The following ARMC9 variants were observed in gnomAD, a reference collection of about 807,000 sequenced individuals.
The protein encoded by ARMC9 is armadillo repeat containing 9.
ARMC9 carries 94 observed loss-of-function variants against 107.0 expected under a neutral mutation model. That is an observed-to-expected ratio of 0.88 (90% CI 0.74 to 1.04). The LOEUF (loss-of-function observed/expected upper bound fraction) is 1.04, where lower values mean the gene tolerates loss of function less well. ARMC9 is among the 50% of genes least tolerant of loss of function. The pLI is 0.00. For synonymous variants in ARMC9, 380 were observed against 396.9 expected (o/e 0.96, Z 0.51); for missense variants, 942 against 1,030.1 (o/e 0.91, Z 1.17).
rs374113705 is a variant in ARMC9, at chr2:231,235,264, A to C, written c.663A>C (p.Glu221Asp). ...TCCACCAGCAGCTGGTTGAAGCTGA[A>C]CGTAGGTCAGTGACATACCTCAAAC... is the stretch of plus-strand genomic sequence containing the variant. ...QQLHQQLVEA[E>D]RRSVTYLKRY... Residue 221 changes from glutamate to aspartate, a missense_variant, in exon 8 of 25, where the codon GAA becomes GAC. Glu to Asp is a conservative substitution (Grantham distance 45). Coordinates refer to ENST00000611582, the MANE Select transcript of ARMC9 (RefSeq NM_001352754.2). 3 of 1,614,072 alleles carry C rather than the reference A, an allele frequency of 1.9e-6. No homozygotes were observed. Among genetic ancestry groups the C allele is most frequent in the Non-Finnish European group, 2.5e-6 (3 of 1,180,028 alleles).
At position 231,375,960 on chromosome 2, in the gene ARMC9, TC is replaced by T. The variant is rs2046184483; in HGVS notation, c.*4430del. On this transcript the variant is annotated 3_prime_UTR_variant, in exon 25 of 25. Coordinates refer to ENST00000611582, the MANE Select transcript of ARMC9 (RefSeq NM_001352754.2). The surrounding 1 kb of genome is among the most constrained non-coding windows in gnomAD (Gnocchi z 4.3). ...GATGATTTCATGGACATTTATTAGT[TC>T]CCCCAAATTAATACTTTTGTAATTT... Among the ~76,000 whole-genome samples the T allele has an allele frequency of 6.6e-6, 1 of 152,132 alleles. No homozygotes were observed. Among genetic ancestry groups the T allele is most frequent in the Non-Finnish European group, 1.5e-5 (1 of 68,010 alleles).
chr2:231,288,762 T>C (rs2040789125), intron 17 of ARMC9: 2 of 470,300 alleles, frequency 4.3e-6, no homozygotes, highest in African/African-American at 2.0e-5. Context: ...GGCGAGGGGC[T>C]ACGCACCGTG....
chr2:231,231,320 G>T (rs1376187203), intron 7 of ARMC9, among the ~76,000 whole-genome samples: 3 of 152,120 alleles, frequency 2.0e-5, no homozygotes, highest in African/African-American at 7.2e-5. Flanking sequence ...GTATTCTGTA[G>T]AATTTTCATC....
chr2:231,343,047 G>A (rs2044613219), intron 20 of ARMC9, among the ~76,000 whole-genome samples: 1 of 152,058 alleles, frequency 6.6e-6, no homozygotes, highest in Non-Finnish European at 1.5e-5. Flanking sequence ...CTGAGTCACT[G>A]GGATTACAGG....
At chr2:231,213,628 C>T (rs2033164365) in intron 3 of ARMC9, among the ~76,000 whole-genome samples, 1 of 151,972 alleles carries the variant, frequency 6.6e-6, no homozygotes, top group Non-Finnish European at 1.5e-5. Flanking sequence ...AGGCATGCAC[C>T]ACCATGCCCG....
At chr2:231,245,437 G>C (rs1028608671) in intron 9 of ARMC9, among the ~76,000 whole-genome samples, 2 of 152,210 alleles carry the variant, frequency 1.3e-5, no homozygotes, top group Non-Finnish European at 2.9e-5. Context: ...CAGCTCCCTG[G>C]CTGTGATCTA....
intron 19 of ARMC9, among the ~76,000 whole-genome samples, chr2:231,316,287 C>A (rs2042674280): frequency 6.6e-6 from 1 of 150,458 alleles, no homozygotes; most frequent in East Asian, 1.9e-4. Flanking sequence ...CTGGAATTTT[C>A]TTTAGTTCAC....
chr2:231,216,985 T>C lies in ARMC9; in HGVS notation c.504+192T>C, dbSNP rs566550319. ...GGTTAGTTAGGTTTGGTTTTTGCCA[T>C]CCTATACTAGCAGTGGTTTGCAACT... On this transcript the variant is annotated intron_variant, in intron 5 of 24. Transcript: ENST00000611582. Among the ~76,000 whole-genome samples, 297 of 152,354 alleles carry C rather than the reference T, an allele frequency of 1.9e-3. 1 individual carries two copies. The highest frequency in any genetic ancestry group is 6.9e-3 in the African/African-American group (285 of 41,578).
chr2:231,222,999 A>G (rs79096906), intron 6 of ARMC9, among the ~76,000 whole-genome samples, 179 bp downstream of exon 6: 6 of 152,186 alleles, frequency 3.9e-5, no homozygotes, highest in South Asian at 2.1e-4. Context: ...ATCAACTTCT[A>G]TATCATTGGA....
chr2:231,350,885 G>A (rs2045037655), intron 21 of ARMC9, among the ~76,000 whole-genome samples: 1 of 133,066 alleles, frequency 7.5e-6, no homozygotes, highest in African/African-American at 2.9e-5. Flanking sequence ...GGCTTTGACT[G>A]TTGCTTGAGA....
At chr2:231,312,598 C>CTTT (rs1205045864) in intron 19 of ARMC9, among the ~76,000 whole-genome samples, 18 of 126,602 alleles carry the variant, frequency 1.4e-4, no homozygotes, top group Non-Finnish European at 2.4e-4. Flanking sequence ...GTTTCACACA[C>CTTT]TTTTTTTTTT....
At chr2:231,308,998 T>C (rs1282118510) in intron 19 of ARMC9, among the ~76,000 whole-genome samples, 2 of 152,270 alleles carry the variant, frequency 1.3e-5, no homozygotes, top group East Asian at 3.8e-4. Flanking sequence ...GTCTGTCTTA[T>C]GTCTGTGTTA....
intron 17 of ARMC9, among the ~76,000 whole-genome samples, chr2:231,287,320 A>G (rs2040665821): frequency 6.6e-6 from 1 of 152,172 alleles, no homozygotes; most frequent in Non-Finnish European, 1.5e-5. Context: ...CCACTTCTGA[A>G]TCAAAGTCAT....
At chr2:231,289,156 A>G (rs1421524364) in intron 17 of ARMC9, among the ~76,000 whole-genome samples, 1 of 152,210 alleles carries the variant, frequency 6.6e-6, no homozygotes, top group Admixed American at 6.5e-5. Flanking sequence ...TACCTAATAT[A>G]TGTGATTTTT....
At chr2:231,346,889 A>G (rs1480056808) in intron 21 of ARMC9, among the ~76,000 whole-genome samples, 1 of 152,242 alleles carries the variant, frequency 6.6e-6, no homozygotes, top group Non-Finnish European at 1.5e-5. Context: ...ACAGGAACTA[A>G]TAAAATTCCT....
chr2:231,299,182 TAAAAA>T (rs921880836), intron 19 of ARMC9, among the ~76,000 whole-genome samples: 1 of 151,990 alleles, frequency 6.6e-6, no homozygotes, highest in South Asian at 2.1e-4. Context: ...ACTAAAATTT[TAAAAA>T]AAATAAAGGT....
chr2:231,322,738 G>T (rs1217488616), intron 19 of ARMC9, among the ~76,000 whole-genome samples: 1 of 152,116 alleles, frequency 6.6e-6, no homozygotes, highest in African/African-American at 2.4e-5. Flanking sequence ...GAAGTAATCA[G>T]TTATCACTGA....
intron 20 of ARMC9, among the ~76,000 whole-genome samples, chr2:231,337,367 G>A (rs1452746262): frequency 4.7e-5 from 6 of 127,934 alleles, no homozygotes; most frequent in Non-Finnish European, 3.1e-5. Context: ...GCACAATCTT[G>A]GCTCATTGCA....
At chr2:231,214,804 G>A (rs374222367) in intron 3 of ARMC9, 27 bp from the exon 4 acceptor site, 25 of 1,608,900 alleles carry the variant, frequency 1.6e-5, no homozygotes, top group Admixed American at 1.2e-4. Flanking sequence ...TTACAACGAG[G>A]TATGTAGTCT....
Sources: allele counts gnomAD v4.1 joint callset (sites outside exome capture counted in the v4.1 genomes callset), GRCh38; gene constraint gnomAD v4.1.1; non-coding constraint Gnocchi (gnomAD v3.1); transcripts MANE v1.5; gene names NCBI Gene and HGNC (gene_info 2026-07-23, HGNC 2026-07-21).